The following PTPRM variants were observed in gnomAD, a reference collection of about 807,000 sequenced individuals.
PTPRM encodes the protein receptor-type tyrosine-protein phosphatase mu.
A neutral mutation model predicts 186.7 loss-of-function variants in PTPRM; 47 were observed. That is an observed-to-expected ratio of 0.25 (90% CI 0.20 to 0.32). The LOEUF (loss-of-function observed/expected upper bound fraction) is 0.32, where lower values mean the gene tolerates loss of function less well. Among genes scored for constraint, PTPRM ranks in the 10% least tolerant of loss-of-function variants. PTPRM has a pLI of 1.00. For missense variants in PTPRM, 1,494 were observed against 1,865.0 expected, an observed-to-expected ratio of 0.80 and a Z score of 3.66; for synonymous variants, 668 against 674.9, an observed-to-expected ratio of 0.99 and a Z score of 0.16.
At chr18:7,874,415 G>C (rs1170670965) in intron 2 of PTPRM, among the ~76,000 whole-genome samples, 1 of 152,114 alleles carries the variant, frequency 6.6e-6, no homozygotes, top group Non-Finnish European at 1.5e-5. Flanking sequence ...TTTATATTCT[G>C]AGAGCTGATA....
At chr18:7,799,694 A>G (rs1309872134) in intron 2 of PTPRM, among the ~76,000 whole-genome samples, 3 of 152,186 alleles carry the variant, frequency 2.0e-5, no homozygotes, top group East Asian at 1.9e-4. Flanking sequence ...TGATGCAATT[A>G]TAAATGTTGT....
chr18:7,904,043 AT>A (rs1388895260), intron 3 of PTPRM, among the ~76,000 whole-genome samples: 1 of 152,012 alleles, frequency 6.6e-6, no homozygotes, highest in Non-Finnish European at 1.5e-5. Flanking sequence ...GAAATTCTTG[AT>A]TTTTCGTATG....
chr18:7,832,067 C>T (rs1393576562), intron 2 of PTPRM, among the ~76,000 whole-genome samples: 1 of 152,152 alleles, frequency 6.6e-6, no homozygotes, highest in African/African-American at 2.4e-5. Flanking sequence ...TGGCTGTTGT[C>T]AGGAGTGCTG....
chr18:8,079,139 C>T (rs570451975), intron 9 of PTPRM, among the ~76,000 whole-genome samples: 12 of 152,188 alleles, frequency 7.9e-5, no homozygotes, highest in Non-Finnish European at 1.6e-4. Context: ...CAGTTCACAG[C>T]CTTACATCAT....
intron 1 of PTPRM, among the ~76,000 whole-genome samples, chr18:7,656,400 C>A (rs9957180): frequency 0.032 from 4,817 of 152,048 alleles, 261 homozygotes; most frequent in African/African-American, 0.11. Context: ...AATTGTGGTT[C>A]CCCGGGGTGA....
At chr18:7,731,179 A>G (rs2040651471) in intron 1 of PTPRM, among the ~76,000 whole-genome samples, 1 of 152,216 alleles carries the variant, frequency 6.6e-6, no homozygotes. Context: ...CTCTCTGTTT[A>G]TCAATTTAAG....
chr18:7,567,959 G>C lies in PTPRM; in HGVS notation c.73+68G>C, dbSNP rs2036467640. Reference sequence around the variant, plus strand: ...GCGCGGGACGCCCGGGACGCCGACAGCTCCCTGGTGGTAGAGCCCTAAGGC... The same window carrying C: ...GCGCGGGACGCCCGGGACGCCGACACCTCCCTGGTGGTAGAGCCCTAAGGC... On this transcript the variant is annotated intron_variant, in intron 1 of 32. Coordinates refer to ENST00000580170, the MANE Select transcript of PTPRM (RefSeq NM_001105244.2). The surrounding 1 kb of genome is among the most constrained non-coding windows in gnomAD (Gnocchi z 4.3). The C allele has an allele frequency of 2.1e-6, 3 of 1,444,084 alleles. No homozygotes were observed. Among genetic ancestry groups the C allele is most frequent in the Admixed American group, 2.8e-5 (1 of 35,736 alleles). The allele number at this position is 1,444,084 out of a possible 1,614,324, so 89.5% of individuals were successfully genotyped here.
At chr18:8,188,160 C>G (rs1269296212) in intron 14 of PTPRM, among the ~76,000 whole-genome samples, 2 of 152,162 alleles carry the variant, frequency 1.3e-5, no homozygotes, top group Non-Finnish European at 2.9e-5. Flanking sequence ...AGTAGTATCT[C>G]ACTTTTAAAA....
At chr18:8,249,245 T>C (rs2094505527) in intron 17 of PTPRM, among the ~76,000 whole-genome samples, 2 of 152,196 alleles carry the variant, frequency 1.3e-5, no homozygotes, top group African/African-American at 2.4e-5. Context: ...GATTTTTGTA[T>C]AGAAGGTAAT....
chr18:8,225,457 A>G (rs1299275546), intron 14 of PTPRM, among the ~76,000 whole-genome samples: 1 of 152,052 alleles, frequency 6.6e-6, no homozygotes, highest in Non-Finnish European at 1.5e-5. Context: ...TTCTTAGCTC[A>G]TCTTCTGTAT....
chr18:8,139,781 G>T (rs980634014), intron 13 of PTPRM, among the ~76,000 whole-genome samples: 6 of 147,984 alleles, frequency 4.1e-5, no homozygotes, highest in Admixed American at 6.7e-5. Flanking sequence ...TAGCTGCCTT[G>T]CCTTCACCCC....
chr18:8,144,125 A>G lies in PTPRM; in HGVS notation c.2300+346A>G, dbSNP rs138051897. 9.2e-3 allele frequency among the ~76,000 whole-genome samples: 1,397 copies of G among 152,314 alleles called. 12 individuals carry two copies. Among genetic ancestry groups the G allele is most frequent in the Non-Finnish European group, 0.014 (975 of 68,024 alleles). On this transcript the variant is annotated intron_variant, in intron 14 of 32. Coordinates refer to ENST00000580170, the MANE Select transcript of PTPRM (RefSeq NM_001105244.2). The stretch of plus-strand genomic sequence containing the variant: ...CAACATACTAAGACATTTGGTAATC[A>G]CAAAGATATGAGAAGACTTTACTTT...
At chr18:8,180,558 T>C (rs1601047181) in intron 14 of PTPRM, among the ~76,000 whole-genome samples, 1 of 152,224 alleles carries the variant, frequency 6.6e-6, no homozygotes, top group Non-Finnish European at 1.5e-5. Context: ...CTTGCATTAC[T>C]TCTCCCTGAT....
intron 6 of PTPRM, among the ~76,000 whole-genome samples, chr18:7,953,691 A>G (rs2053122942): frequency 6.6e-6 from 1 of 152,162 alleles, no homozygotes; most frequent in Non-Finnish European, 1.5e-5. Flanking sequence ...AAGGGAACCA[A>G]TGTTGCTGGT....
chr18:7,608,913 A>G (rs1893224), intron 1 of PTPRM, among the ~76,000 whole-genome samples: 39,580 of 152,014 alleles, frequency 0.26, 8,294 homozygotes, highest in African/African-American at 0.55. Flanking sequence ...TGTAGGAAGC[A>G]AGCAACCCCA....
intron 7 of PTPRM, chr18:7,995,504 C>T (rs1396729452): frequency 1.3e-5 from 2 of 152,112 alleles, no homozygotes; most frequent in East Asian, 1.9e-4. Flanking sequence ...TCATGATGAA[C>T]ATAAGTGTAA....
At chr18:7,889,351 T>G (rs2048948356) in intron 3 of PTPRM, among the ~76,000 whole-genome samples, 1 of 148,670 alleles carries the variant, frequency 6.7e-6, no homozygotes, top group Non-Finnish European at 1.5e-5. Flanking sequence ...TTTTTTTTTT[T>G]TTTGAGACTG....
chr18:8,114,655 T>C (rs1189427834), intron 12 of PTPRM, 136 bp from the exon 13 acceptor site: 17 of 729,696 alleles, frequency 2.3e-5, no homozygotes, highest in African/African-American at 3.7e-5. Flanking sequence ...CAAAGAATAA[T>C]TGCTGTGTGA....
chr18:8,352,311 T>C (rs957442138), intron 23 of PTPRM, among the ~76,000 whole-genome samples: 5 of 152,206 alleles, frequency 3.3e-5, no homozygotes, highest in Non-Finnish European at 7.3e-5. Flanking sequence ...ATTTTAGATT[T>C]AGGGGGCACA....
Sources: gnomAD v4.1 joint callset for allele counts (sites outside exome capture counted in the v4.1 genomes callset) on GRCh38, gnomAD v4.1.1 for gene constraint, Gnocchi (gnomAD v3.1) non-coding constraint, MANE v1.5 for transcripts, NCBI Gene and HGNC (gene_info 2026-07-23, HGNC 2026-07-21) for gene names.